KCNMA1: variants seen among roughly 807,000 people sequenced by gnomAD.
KCNMA1 encodes the protein potassium calcium-activated channel subfamily M alpha 1.
KCNMA1 carries 29 observed loss-of-function variants against 140.0 expected under a neutral mutation model. The ratio of observed to expected loss-of-function variants is 0.21; its 90% CI spans 0.15 to 0.28. The LOEUF (loss-of-function observed/expected upper bound fraction) is 0.28, where lower values mean the gene tolerates loss of function less well. KCNMA1 is among the 10% of genes least tolerant of loss of function. KCNMA1 has a pLI of 1.00. For missense variants in KCNMA1, 880 were observed against 1,602.2 expected (o/e 0.55, Z 7.70); for synonymous variants, 612 against 611.9 (o/e 1.00, Z 0.00).
chr10:76,929,167 T>A (rs2058618570), intron 23 of KCNMA1, among the ~76,000 whole-genome samples: 1 of 152,218 alleles, frequency 6.6e-6, no homozygotes, highest in Non-Finnish European at 1.5e-5. Flanking sequence ...TAGACCCATA[T>A]AATCCCAATA....
chr10:76,909,316 TTA>T (rs1344302662), intron 25 of KCNMA1, among the ~76,000 whole-genome samples: 3 of 152,186 alleles, frequency 2.0e-5, no homozygotes, highest in Non-Finnish European at 4.4e-5. Context: ...TGACAGCCTC[TTA>T]CTCAGACCTC....
intron 1 of KCNMA1, among the ~76,000 whole-genome samples, chr10:77,579,072 T>C (rs891394174): frequency 3.9e-5 from 6 of 152,050 alleles, no homozygotes; most frequent in Non-Finnish European, 7.4e-5. Context: ...CCAAACAGGA[T>C]GAAAGGGAAA....
chr10:77,112,510 G>T, intron 6 of KCNMA1, 68 bp from the exon 7 acceptor site: 1 of 1,152,980 alleles, frequency 8.7e-7, no homozygotes, highest in South Asian at 1.2e-5. Context: ...CTGCCTTACA[G>T]GGTAACAGCA....
intron 1 of KCNMA1, among the ~76,000 whole-genome samples, chr10:77,500,188 A>C (rs2043362023): frequency 6.6e-6 from 1 of 151,240 alleles, no homozygotes; most frequent in South Asian, 2.1e-4. Flanking sequence ...CAGAAAGGCC[A>C]AAACATATTA....
At chr10:77,069,216 G>C (rs955847786) in intron 14 of KCNMA1, among the ~76,000 whole-genome samples, 1 of 152,160 alleles carries the variant, frequency 6.6e-6, no homozygotes, top group Admixed American at 6.5e-5. Flanking sequence ...AGGAGTAGGA[G>C]ATCAGACAGT....
chr10:77,579,299 A>G (rs529866952), intron 1 of KCNMA1, among the ~76,000 whole-genome samples: 44 of 152,316 alleles, frequency 2.9e-4, no homozygotes, highest in African/African-American at 1.0e-3. Flanking sequence ...TGTCAGTGAC[A>G]AATGGCCACA....
chr10:77,584,821 A>G (rs2076814001), intron 1 of KCNMA1, among the ~76,000 whole-genome samples: 1 of 152,102 alleles, frequency 6.6e-6, no homozygotes, highest in South Asian at 2.1e-4. Flanking sequence ...AGTCTTCCAG[A>G]CCCTAAGAAG....
chr10:77,389,679 A>G (rs907420868), intron 2 of KCNMA1, among the ~76,000 whole-genome samples: 1 of 152,176 alleles, frequency 6.6e-6, no homozygotes, highest in Non-Finnish European at 1.5e-5. Flanking sequence ...AAAAGAAGCC[A>G]ACTCCTTCTC....
chr10:77,185,615 C>A (rs2098843142), intron 3 of KCNMA1, among the ~76,000 whole-genome samples: 1 of 133,708 alleles, frequency 7.5e-6, no homozygotes. Flanking sequence ...TTTTTTTTGG[C>A]ATGCATGCTA....
rs1038476547 is a variant in KCNMA1 at position 77,514,909 on chromosome 10, T to G, written c.379-110886A>C. ...CTACTGCCTGTTTTGTTTTTTTTTG[T>G]TTTTTTTCCAGTAATACAGCCTAGG... On this transcript the variant is annotated intron_variant, in intron 1 of 27. Transcript: ENST00000286628. Among the ~76,000 whole-genome samples, 3 of 151,752 alleles carry G rather than the reference T, an allele frequency of 2.0e-5. No homozygotes were observed. The East Asian group carries it at 5.8e-4, about 29-fold the overall frequency.
At chr10:76,951,882 C>T (rs925911123) in intron 21 of KCNMA1, among the ~76,000 whole-genome samples, 3 of 152,116 alleles carry the variant, frequency 2.0e-5, no homozygotes, top group African/African-American at 4.8e-5. Flanking sequence ...TCCTCTTCCC[C>T]CAGCCCCACC....
intron 23 of KCNMA1, among the ~76,000 whole-genome samples, chr10:76,916,089 A>C (rs1409278439): frequency 6.6e-6 from 1 of 152,076 alleles, no homozygotes; most frequent in Non-Finnish European, 1.5e-5. Context: ...CAATATAATA[A>C]GATGTTCACA....
rs780185687 is a variant in KCNMA1, at chr10:77,010,546, T to A, written c.2092+1421A>T. ...AAGAGTCTGGGGGAAGGGGACCAGC[T>A]GTATTAAGTCAGTGGAAACAGGGGG... is the stretch of plus-strand genomic sequence containing the variant. On this transcript the variant is annotated intron_variant, in intron 18 of 27. Coordinates refer to ENST00000286628, the MANE Select transcript of KCNMA1 (RefSeq NM_001161352.2). 5.1e-4 allele frequency among the ~76,000 whole-genome samples: 78 copies of A among 152,102 alleles called. 1 individual carries two copies. The highest frequency in any genetic ancestry group is 3.4e-3 in the Middle Eastern group (1 of 294).
intron 1 of KCNMA1, among the ~76,000 whole-genome samples, chr10:77,407,796 G>A (rs1443194148): frequency 6.6e-6 from 1 of 152,204 alleles, no homozygotes; most frequent in Non-Finnish European, 1.5e-5. Context: ...CAGCTGCCCT[G>A]ATGAAGCACC....
At chr10:77,487,827 AC>A (rs2154537434) in intron 1 of KCNMA1, among the ~76,000 whole-genome samples, 1 of 152,284 alleles carries the variant, frequency 6.6e-6, no homozygotes, top group African/African-American at 2.4e-5. Context: ...CTGCAACATC[AC>A]CTGGGGATGT....
chr10:77,162,401 G>T (rs1241157565), intron 5 of KCNMA1, among the ~76,000 whole-genome samples: 1 of 152,148 alleles, frequency 6.6e-6, no homozygotes, highest in Admixed American at 6.6e-5. Flanking sequence ...GATTAAGACA[G>T]GCCAGAAACA....
rs1284203046 is a variant in KCNMA1 at position 77,577,098 on chromosome 10, T to TC, written c.378+60166dup. Among the ~76,000 whole-genome samples, 5 of 144,342 alleles carry TC rather than the reference T, an allele frequency of 3.5e-5. No individual in the cohort carries two copies. In the East Asian group the frequency reaches 8.1e-4, roughly 23 times the overall value. 94.7% of individuals were successfully genotyped at this position (144,342 alleles called of 152,430 possible). On this transcript the variant is annotated intron_variant, in intron 1 of 27. Transcript: ENST00000286628. ...CCCATGTTGACGAGCCTACACACTC[T>TC]CTTTTTTTTTCTTTCCTCGGCTCAC...
At chr10:77,120,509 G>A (rs1279822882) in intron 6 of KCNMA1, among the ~76,000 whole-genome samples, 1 of 152,200 alleles carries the variant, frequency 6.6e-6, no homozygotes, top group Non-Finnish European at 1.5e-5. Flanking sequence ...GCCGTATGAG[G>A]TTTGTGATTG....
intron 3 of KCNMA1, among the ~76,000 whole-genome samples, chr10:77,219,614 T>C (rs544977064): frequency 2.2e-4 from 34 of 152,194 alleles, no homozygotes; most frequent in Non-Finnish European, 3.7e-4. Flanking sequence ...GTTGTTGTTG[T>C]TCGTTTTGTT....
Sources: gnomAD v4.1 joint callset for allele counts (sites outside exome capture counted in the v4.1 genomes callset) on GRCh38, gnomAD v4.1.1 for gene constraint, MANE v1.5 for transcripts, NCBI Gene and HGNC (gene_info 2026-07-23, HGNC 2026-07-21) for gene names.